Variants in KRABD3 observed in about 807,000 individuals in gnomAD.
KRABD3 encodes the protein KRAB domain containing 3.
chr7:149,730,231 G>T, the KRABD3 span: 1 of 1,567,708 alleles, frequency 6.4e-7, no homozygotes, highest in Non-Finnish European at 8.6e-7. Context: ...CGCTTCGCCT[G>T]CGTGGGAGGC....
the KRABD3 span, among the ~76,000 whole-genome samples, chr7:149,731,109 G>A: frequency 4.6e-5 from 7 of 152,176 alleles, no homozygotes; most frequent in Non-Finnish European, 7.3e-5. Flanking sequence ...GAGAGTACCT[G>A]CTGTCCTGGC....
chr7:149,731,975 G>A, the KRABD3 span, among the ~76,000 whole-genome samples: 2 of 152,262 alleles, frequency 1.3e-5, no homozygotes, highest in Non-Finnish European at 2.9e-5. Flanking sequence ...ACACCTTTTA[G>A]AGGTGGAAAT....
At chr7:149,726,895 G>A in the KRABD3 span, among the ~76,000 whole-genome samples, 477 of 152,248 alleles carry the variant, frequency 3.1e-3, 2 homozygotes, top group South Asian at 0.012. Context: ...GTGACAGAGT[G>A]AGACCCCCAT....
the KRABD3 span, chr7:149,731,901 C>T: frequency 1.6e-6 from 1 of 637,700 alleles, no homozygotes; most frequent in East Asian, 2.8e-5. Flanking sequence ...TAATGCACTT[C>T]AGGTTGCATA....
the KRABD3 span, chr7:149,734,035 G>C: frequency 1.2e-6 from 2 of 1,604,860 alleles, no homozygotes; most frequent in Non-Finnish European, 1.7e-6. Flanking sequence ...ACCCGAGATG[G>C]GGGGCGCATT....
chr7:149,720,138 TG>T, the KRABD3 span: 2 of 1,551,228 alleles, frequency 1.3e-6, no homozygotes, highest in Non-Finnish European at 1.7e-6. Context: ...GTAAGTTATC[TG>T]TCAGACTTTG....
the KRABD3 span, among the ~76,000 whole-genome samples, chr7:149,727,337 C>T: frequency 1.3e-5 from 2 of 152,258 alleles, no homozygotes; most frequent in Non-Finnish European, 2.9e-5. Context: ...GCCTGAATTC[C>T]CAAGCCCCAC....
chr7:149,725,118 A>C, the KRABD3 span, among the ~76,000 whole-genome samples: 1 of 152,056 alleles, frequency 6.6e-6, no homozygotes, highest in African/African-American at 2.4e-5. Context: ...TCCTGTCTTC[A>C]TGCCTTCCAG....
chr7:149,725,324 C>A, the KRABD3 span: 1 of 1,588,806 alleles, frequency 6.3e-7, no homozygotes, highest in Non-Finnish European at 8.6e-7. Flanking sequence ...GCTGCCAGTG[C>A]CTCAAGCTCA....
chr7:149,726,058 A>C, the KRABD3 span: 2 of 1,610,452 alleles, frequency 1.2e-6, no homozygotes, highest in Admixed American at 1.7e-5. Flanking sequence ...CATCCTGGAA[A>C]AGGTGAGCTG....
the KRABD3 span, chr7:149,724,594 G>A: frequency 1.5e-6 from 2 of 1,304,484 alleles, no homozygotes; most frequent in South Asian, 1.8e-5. Flanking sequence ...GGCCTCAAGG[G>A]ATTCTCAGGG....
chr7:149,725,173 G>T, the KRABD3 span: 1 of 829,310 alleles, frequency 1.2e-6, no homozygotes, highest in Admixed American at 3.1e-5. Context: ...CCACAGAAGG[G>T]TTTCCTGCCT....
At chr7:149,720,932 C>T in the KRABD3 span, 4 of 1,613,704 alleles carry the variant, frequency 2.5e-6, no homozygotes, top group Non-Finnish European at 3.4e-6. Context: ...GCGCTATGGA[C>T]AGCCCCGAGA....
chr7:149,722,844 G>C, the KRABD3 span: 1 of 1,613,390 alleles, frequency 6.2e-7, no homozygotes, highest in Non-Finnish European at 8.5e-7. Flanking sequence ...AAATCCTTGT[G>C]CCTGGGCCCC....
the KRABD3 span, among the ~76,000 whole-genome samples, chr7:149,732,104 G>A: frequency 5.9e-5 from 9 of 152,286 alleles, no homozygotes; most frequent in East Asian, 5.8e-4. The surrounding 1 kb of genome is among the most constrained non-coding windows in gnomAD (Gnocchi z 4.0). Flanking sequence ...TGTCACACAC[G>A]TGCCCCTACG....
the KRABD3 span, chr7:149,725,537 C>G: frequency 6.6e-7 from 1 of 1,520,458 alleles, no homozygotes; most frequent in Non-Finnish European, 8.9e-7. Flanking sequence ...AGCGTGGCAG[C>G]GGAGGCAGAT....
chr7:149,729,937 C>T, the KRABD3 span: 1 of 1,272,388 alleles, frequency 7.9e-7, no homozygotes, highest in Non-Finnish European at 9.9e-7. Context: ...CCCCAGCAGA[C>T]TTTCCAAAGC....
At chr7:149,727,301 C>A in the KRABD3 span, among the ~76,000 whole-genome samples, 4 of 152,240 alleles carry the variant, frequency 2.6e-5, no homozygotes, top group Non-Finnish European at 4.4e-5. Flanking sequence ...GTAGAACAGG[C>A]CTGGGGCCTG....
the KRABD3 span, chr7:149,721,051 A>AGTCCACGGCAGT: frequency 7.0e-6 from 11 of 1,579,878 alleles, no homozygotes; most frequent in Non-Finnish European, 9.5e-6. Context: ...ATGAAGCACA[A>AGTCCACGGCAGT]GTCCACGGCA....
Sources: gnomAD v4.1 joint callset for allele counts (sites outside exome capture counted in the v4.1 genomes callset) on GRCh38, gnomAD v4.1.1 for gene constraint, Gnocchi (gnomAD v3.1) non-coding constraint, MANE v1.5 for transcripts, NCBI Gene and HGNC (gene_info 2026-07-23, HGNC 2026-07-21) for gene names.